Variants in SRGAP2B observed in about 807,000 individuals in gnomAD.
SRGAP2B encodes the protein SLIT-ROBO Rho GTPase activating protein 2B.
In SRGAP2B, 9 loss-of-function variants were observed where a neutral mutation model predicts 22.2. The observed-to-expected ratio is 0.41, with a 90% confidence interval of 0.24 to 0.71. SRGAP2B has a LOEUF of 0.71. Ranked by LOEUF, SRGAP2B falls within the 30% of genes least tolerant of loss-of-function variation. The probability of loss-of-function intolerance (pLI) is 0.35; values close to 1 mark genes in which losing one functional copy is unlikely to be tolerated. For synonymous variants in SRGAP2B, 36 were observed against 87.4 expected (o/e 0.41, Z 3.28); for missense variants, 114 against 235.8 (o/e 0.48, Z 3.38).
At chr1:145,041,084 T>G (rs1445682941) in intron 2 of SRGAP2B, among the ~76,000 whole-genome samples, 12 of 114,058 alleles carry the variant, frequency 1.1e-4, no homozygotes, top group African/African-American at 4.5e-4. Context: ...AGTATATATA[T>G]ATATATATAT....
At chr1:144,909,666 G>T (rs1663270158) in intron 5 of SRGAP2B, among the ~76,000 whole-genome samples, 2 of 150,504 alleles carry the variant, frequency 1.3e-5, no homozygotes, top group South Asian at 2.1e-4. Flanking sequence ...TAGATGAGAG[G>T]TTTATTCTGT....
intron 3 of SRGAP2B, among the ~76,000 whole-genome samples, chr1:144,980,620 C>T (rs1297692702): frequency 1.3e-5 from 2 of 150,564 alleles, no homozygotes. Flanking sequence ...ATTGATTCTC[C>T]CTGAATTTAA....
chr1:145,093,867 C>T (rs587631010), intron 1 of SRGAP2B, among the ~76,000 whole-genome samples: 1 of 144,670 alleles, frequency 6.9e-6, no homozygotes, highest in Admixed American at 6.8e-5. Flanking sequence ...GACAAGCCAC[C>T]AGGGCACAAC....
At chr1:145,009,084 G>A (rs1570998298) in intron 2 of SRGAP2B, among the ~76,000 whole-genome samples, 1 of 146,354 alleles carries the variant, frequency 6.8e-6, no homozygotes, top group Non-Finnish European at 1.5e-5. Context: ...GGCTGAGGCA[G>A]GAGAATGGCG....
chr1:144,973,940 C>T (rs1668715109), intron 3 of SRGAP2B, among the ~76,000 whole-genome samples: 1 of 148,456 alleles, frequency 6.7e-6, no homozygotes, highest in Admixed American at 6.7e-5. Flanking sequence ...ACTTTATTTG[C>T]AAGCTGGTGA....
Position 145,046,956 on chromosome 1 carries a change from AC to A in SRGAP2B, c.67+45878del, listed in dbSNP as rs1230519073. ...TTTGGAAGACTGAGGCGTGTGGATAACCTGAGGTCAGGAGTTCGAGAACAGC... is the reference window on the plus strand; with the variant it reads ...TTTGGAAGACTGAGGCGTGTGGATAACTGAGGTCAGGAGTTCGAGAACAGC... On this transcript the variant is annotated intron_variant, in intron 2 of 9. Transcript: ENST00000612199. Among the ~76,000 whole-genome samples, 164 of 98,130 alleles carry A rather than the reference AC, an allele frequency of 1.7e-3. 1 individual carries two copies. Among genetic ancestry groups the A allele is most frequent in the African/African-American group, 7.1e-3 (157 of 22,156 alleles). The allele number at this position is 98,130 out of a possible 152,430, so 64.4% of individuals were successfully genotyped here. A position where few individuals can be genotyped will look rare whatever the true frequency, so the allele number is the denominator to read the frequency against.
At chr1:145,002,760 A>G (rs1253953511) in intron 2 of SRGAP2B, among the ~76,000 whole-genome samples, 1 of 145,722 alleles carries the variant, frequency 6.9e-6, no homozygotes, top group Non-Finnish European at 1.5e-5. Context: ...AACAATTCAT[A>G]TTACATAATT....
At chr1:145,021,751 T>G (rs1553624162) in intron 2 of SRGAP2B, among the ~76,000 whole-genome samples, 1 of 148,644 alleles carries the variant, frequency 6.7e-6, no homozygotes, top group African/African-American at 2.6e-5. Flanking sequence ...GAGGCAGAGG[T>G]TGCCGTGAGC....
Position 145,069,905 on chromosome 1 carries a change from ACTGGTTTT to A in SRGAP2B, c.67+22922_67+22929del, listed in dbSNP as rs1651951153. 1.7e-3 allele frequency among the ~76,000 whole-genome samples: 256 copies of A among 148,970 alleles called. 4 individuals carry two copies. The highest frequency in any genetic ancestry group is 0.014 in the Middle Eastern group (4 of 292). ...CTAAAGATCGCCTATTTGAAGTAAAACTGGTTTTAAGCAGGTTAATGAACCCCAGGCTT... is the reference window on the plus strand; with the variant it reads ...CTAAAGATCGCCTATTTGAAGTAAAAAAGCAGGTTAATGAACCCCAGGCTT... On this transcript the variant is annotated intron_variant, in intron 2 of 9. Coordinates refer to ENST00000612199, the Ensembl canonical transcript of SRGAP2B.
chr1:145,081,149 A>G (rs1340358020), intron 2 of SRGAP2B, among the ~76,000 whole-genome samples: 5 of 149,426 alleles, frequency 3.3e-5, no homozygotes, highest in African/African-American at 1.3e-4. Flanking sequence ...ATCTGTCCTC[A>G]TCACTTACTA....
chr1:144,990,827 G>A (rs1670135002), intron 3 of SRGAP2B, among the ~76,000 whole-genome samples: 1 of 151,412 alleles, frequency 6.6e-6, no homozygotes, highest in Non-Finnish European at 1.5e-5. Context: ...GAGTCCCCCA[G>A]CAGTGCCGGC....
At chr1:144,952,451 C>T (rs11249373) in intron 4 of SRGAP2B, among the ~76,000 whole-genome samples, 9 of 147,614 alleles carry the variant, frequency 6.1e-5, no homozygotes, top group South Asian at 2.1e-4. Flanking sequence ...TTTGTTTGCC[C>T]ATTACTAGAA....
chr1:144,944,876 C>T (rs1161813344), intron 4 of SRGAP2B, among the ~76,000 whole-genome samples: 3 of 148,620 alleles, frequency 2.0e-5, no homozygotes, highest in African/African-American at 5.1e-5. Context: ...TCTCCTGCCT[C>T]GGCCTCCTGA....
At chr1:144,964,241 C>T (rs587656860) in intron 3 of SRGAP2B, among the ~76,000 whole-genome samples, 1 of 146,280 alleles carries the variant, frequency 6.8e-6, no homozygotes, top group Admixed American at 6.8e-5. Flanking sequence ...GAACACCTAT[C>T]ACCAAGAATA....
intron 2 of SRGAP2B, among the ~76,000 whole-genome samples, chr1:145,058,994 C>T: frequency 7.2e-6 from 1 of 138,956 alleles, no homozygotes; most frequent in Non-Finnish European, 1.6e-5. Context: ...AATATGAAAT[C>T]AGTCTTGCTA....
At chr1:144,951,555 T>C (rs1416706072) in intron 4 of SRGAP2B, among the ~76,000 whole-genome samples, 2 of 149,486 alleles carry the variant, frequency 1.3e-5, no homozygotes, top group African/African-American at 2.5e-5. Context: ...AACTACTTTA[T>C]AAAATTACGG....
At chr1:145,020,739 A>T (rs1372462633) in intron 2 of SRGAP2B, among the ~76,000 whole-genome samples, 1 of 142,756 alleles carries the variant, frequency 7.0e-6, no homozygotes, top group African/African-American at 3.1e-5. Context: ...TGTAAAACAT[A>T]TAAGTATATC....
chr1:144,952,293 C>A (rs1470372396), intron 4 of SRGAP2B, among the ~76,000 whole-genome samples: 3 of 143,180 alleles, frequency 2.1e-5, no homozygotes, highest in Non-Finnish European at 4.5e-5. Flanking sequence ...AGCAAATCCC[C>A]GGGAAGATTC....
chr1:144,922,779 C>T (rs1436669465), intron 4 of SRGAP2B, among the ~76,000 whole-genome samples: 1 of 150,672 alleles, frequency 6.6e-6, no homozygotes, highest in African/African-American at 2.5e-5. Flanking sequence ...ACCAAAACCA[C>T]CCATCAAGTT....
Sources: allele counts gnomAD v4.1 joint callset (sites outside exome capture counted in the v4.1 genomes callset), GRCh38; gene constraint gnomAD v4.1.1; transcripts MANE v1.5; gene names NCBI Gene and HGNC (gene_info 2026-07-23, HGNC 2026-07-21).